The following PRR3 variants were observed in gnomAD, a reference collection of about 807,000 sequenced individuals.
PRR3 encodes proline rich 3.
Under a neutral mutation model 22.4 loss-of-function variants are expected in PRR3, and 16 were observed. That is an observed-to-expected ratio of 0.71 (90% CI 0.48 to 1.09). The LOEUF is 1.09. Ranked by LOEUF, PRR3 falls within the 50% of genes least tolerant of loss-of-function variation. The probability of loss-of-function intolerance (pLI) is 0.00; values close to 1 mark genes in which losing one functional copy is unlikely to be tolerated. For missense variants in PRR3, 224 were observed against 243.4 expected, an observed-to-expected ratio of 0.92 and a Z score of 0.53; for synonymous variants, 87 against 88.6, an observed-to-expected ratio of 0.98 and a Z score of 0.10.
At position 30,561,638 on chromosome 6, in the gene PRR3, T is replaced by C. The variant is rs1234072074; in HGVS notation, c.170-196T>C. On this transcript the variant is annotated intron_variant, in intron 2 of 3. Transcript: ENST00000376560. The surrounding 1 kb of genome is among the most constrained non-coding windows in gnomAD (Gnocchi z 4.0). ...ACAAGGGGAGGATCTTTTGAGGTGC[T>C]AATAAGGCTTTATCTCTTCACCTGG... The C allele has an allele frequency of 1.6e-6, 1 of 609,310 alleles. No homozygotes were observed. Among genetic ancestry groups the C allele is most frequent in the African/African-American group, 1.9e-5 (1 of 54,000 alleles). The allele number at this position is 609,310 out of a possible 1,614,324, so 37.7% of individuals were successfully genotyped here. A position where few individuals can be genotyped will look rare whatever the true frequency, so the allele number is the denominator to read the frequency against.
In PRR3 at chr6:30,559,240, G is replaced by C. The variant is rs552534436; in HGVS notation, c.169+1028G>C. Reference sequence around the variant, plus strand: ...AAAAATACAAAAATTAGCCGGGCATGGTGGTGTGTGCCTGTAATCCCAGCT... The same window carrying C: ...AAAAATACAAAAATTAGCCGGGCATCGTGGTGTGTGCCTGTAATCCCAGCT... On this transcript the variant is annotated intron_variant, in intron 2 of 3. Coordinates refer to ENST00000376560, the MANE Select transcript of PRR3 (RefSeq NM_025263.4). 2.6e-5 allele frequency among the ~76,000 whole-genome samples: 4 copies of C among 152,254 alleles called. No individual in the cohort carries two copies. The South Asian group carries it at 6.2e-4, about 24-fold the overall frequency.
At position 30,557,459 on chromosome 6, in the gene PRR3, T is replaced by A; in HGVS notation, c.106+9T>A. ...GGATGGGAGTCCCATCGGTGAGGGG[T>A]CTGGGAGGGATGTGCACATGCCTGT... On this transcript the variant is annotated intron_variant, in intron 1 of 3. Transcript: ENST00000376560. The A allele has an allele frequency of 6.3e-7, 1 of 1,590,766 alleles. No individual in the cohort carries two copies. The highest frequency in any genetic ancestry group is 8.6e-7 in the Non-Finnish European group (1 of 1,163,588).
At chr6:30,557,283 A>G (rs17195432), upstream of PRR3, 1 of 1,303,898 alleles carries the variant, frequency 7.7e-7, no homozygotes, top group South Asian at 1.2e-5. Flanking sequence ...CGGAAACAGA[A>G]TCCCCGCGTG....
At chr6:30,557,491 C>T in intron 1 of PRR3, 41 bp downstream of exon 1, 2 of 1,456,330 alleles carry the variant, frequency 1.4e-6, no homozygotes, top group Non-Finnish European at 9.5e-7. Context: ...CTGTCAAGCC[C>T]GTCCGGGCAA....
At chr6:30,560,505 T>A (rs1800556497) in intron 2 of PRR3, 1 of 150,346 alleles carries the variant, frequency 6.7e-6, no homozygotes, top group African/African-American at 2.5e-5. Flanking sequence ...CTTTTGGAGG[T>A]CGGGCATGGT....
At position 30,557,362 on chromosome 6, in the gene PRR3, G is replaced by C. The variant is rs1352650881; in HGVS notation, c.18G>C (p.Lys6Asn). Residue 6 changes from lysine to asparagine, a missense_variant, in exon 1 of 4, where the codon AAG becomes AAC. Lys to Asn is a moderately conservative substitution (Grantham distance 94). Transcript: ENST00000376560. The stretch of plus-strand genomic sequence containing the variant: ...CAGACACGATGCCGAAACGAAAGAA[G>C]CAGAATCATCACCAGCCACCGACAC... MPKRK[K>N]QNHHQPPTQQ... 1.2e-6 allele frequency: 2 copies of C among 1,612,592 alleles called. No homozygotes were observed. Among genetic ancestry groups the C allele is most frequent in the Non-Finnish European group, 1.7e-6 (2 of 1,179,888 alleles).
chr6:30,557,119 G>A (rs1451372891), upstream of PRR3: 2 of 702,528 alleles, frequency 2.8e-6, no homozygotes, highest in East Asian at 2.7e-5. Flanking sequence ...TTATAGAAAC[G>A]CAGCAAAGGG....
chr6:30,557,216 C>A (rs1316084631), upstream of PRR3: 1 of 776,534 alleles, frequency 1.3e-6, no homozygotes, highest in Admixed American at 2.0e-5. Context: ...TCTCCGCAAC[C>A]TTCCGGAAGT....
chr6:30,562,631 T>G lies in PRR3; in HGVS notation c.*136T>G, dbSNP rs1800718069. ...GTGACACACCCATCCCATCCACCAC[T>G]TCCCCCGTGTGGGGTCCAGAGTGGT... On this transcript the variant is annotated 3_prime_UTR_variant, in exon 4 of 4. Transcript: ENST00000376560. 7.9e-6 allele frequency: 5 copies of G among 629,712 alleles called. No homozygotes were observed. The highest frequency in any genetic ancestry group is 2.8e-5 in the Admixed American group (1 of 35,396). 39.0% of individuals were successfully genotyped at this position (629,712 alleles called of 1,614,324 possible).
Position 30,558,147 on chromosome 6 carries a change from T to C in PRR3, c.107-3T>C, listed in dbSNP as rs201586304. 3.2e-5 allele frequency: 51 copies of C among 1,612,512 alleles called. No homozygotes were observed. The Admixed American group carries it at 5.7e-4, about 18-fold the overall frequency. Reference sequence around the variant, plus strand: ...ATGACCATATTTTCATGTCTGCTCTTAGGACCACCCAGCCTTCTGGGCCCT... The same window carrying C: ...ATGACCATATTTTCATGTCTGCTCTCAGGACCACCCAGCCTTCTGGGCCCT... On this transcript the variant is annotated splice_region_variant and splice_polypyrimidine_tract_variant and intron_variant, in intron 1 of 3. Transcript: ENST00000376560.
chr6:30,557,216 C>T (rs1316084631), upstream of PRR3: 2 of 776,534 alleles, frequency 2.6e-6, no homozygotes, highest in Middle Eastern at 2.2e-4. Flanking sequence ...TCTCCGCAAC[C>T]TTCCGGAAGT....
Position 30,561,640 on chromosome 6 carries a change from A to G in PRR3, c.170-194A>G. ...AAGGGGAGGATCTTTTGAGGTGCTAATAAGGCTTTATCTCTTCACCTGGTG... is the reference window on the plus strand; with the variant it reads ...AAGGGGAGGATCTTTTGAGGTGCTAGTAAGGCTTTATCTCTTCACCTGGTG... On this transcript the variant is annotated intron_variant, in intron 2 of 3. Transcript: ENST00000376560. The surrounding 1 kb of genome is among the most constrained non-coding windows in gnomAD (Gnocchi z 4.0). 3.3e-6 allele frequency: 2 copies of G among 611,632 alleles called. No homozygotes were observed. The highest frequency in any genetic ancestry group is 2.0e-5 in the South Asian group (1 of 49,282). The allele number at this position is 611,632 out of a possible 1,614,324, so 37.9% of individuals were successfully genotyped here.
upstream of PRR3, chr6:30,557,093 AATT>A (rs1005943606): frequency 4.3e-6 from 3 of 702,388 alleles, no homozygotes; most frequent in African/African-American, 5.2e-5. Flanking sequence ...AGAAAAGAGT[AATT>A]TTTTCAAAGC....
At chr6:30,559,634 A>G (rs1800493395) in intron 2 of PRR3, among the ~76,000 whole-genome samples, 1 of 152,188 alleles carries the variant, frequency 6.6e-6, no homozygotes, top group South Asian at 2.1e-4. Context: ...AATGCAAGAT[A>G]AAAATATACC....
At position 30,561,369 on chromosome 6, in the gene PRR3, T is replaced by C. The variant is rs1800617350; in HGVS notation, c.170-465T>C. On this transcript the variant is annotated intron_variant, in intron 2 of 3. Coordinates refer to ENST00000376560, the MANE Select transcript of PRR3 (RefSeq NM_025263.4). The surrounding 1 kb of genome is among the most constrained non-coding windows in gnomAD (Gnocchi z 4.0). Reference sequence around the variant, plus strand: ...ACCCACATGTCCATCATCAGTAGAATGGATAAATAAATTGTTGTGTATGCA... The same window carrying C: ...ACCCACATGTCCATCATCAGTAGAACGGATAAATAAATTGTTGTGTATGCA... 2.2e-6 allele frequency: 1 copy of C among 462,490 alleles called. No homozygotes were observed. The highest frequency in any genetic ancestry group is 2.0e-5 in the African/African-American group (1 of 50,316). 28.6% of individuals were successfully genotyped at this position (462,490 alleles called of 1,614,324 possible).
At chr6:30,558,506 G>C in intron 2 of PRR3, 1 of 424,486 alleles carries the variant, frequency 2.4e-6, no homozygotes, top group Non-Finnish European at 4.3e-6. Flanking sequence ...AGACAATCTT[G>C]AAGTGGGAGG....
intron 2 of PRR3, among the ~76,000 whole-genome samples, chr6:30,559,350 C>T (rs1471316012): frequency 6.6e-6 from 1 of 152,024 alleles, no homozygotes; most frequent in African/African-American, 2.4e-5. Context: ...GCACTCCAGC[C>T]TGGGGGACAG....
At chr6:30,558,382 A>C in intron 2 of PRR3, 170 bp downstream of exon 2, 1 of 597,562 alleles carries the variant, frequency 1.7e-6, no homozygotes, top group Admixed American at 2.9e-5. Flanking sequence ...TAAAAATGTC[A>C]CTTCTTCCCA....
Position 30,561,892 on chromosome 6 carries a change from C to T in PRR3, c.228C>T (p.Leu76=), listed in dbSNP as rs570713147. 6.8e-5 allele frequency: 109 copies of T among 1,607,590 alleles called. No individual in the cohort carries two copies. In the East Asian group the frequency reaches 2.3e-3, roughly 35 times the overall value. Reference sequence around the variant, plus strand: ...CACTGATTCCACCACTGCTGAGTCTCCCACCTCCTCCTTGGGGTAGAGGCC... The same window carrying T: ...CACTGATTCCACCACTGCTGAGTCTTCCACCTCCTCCTTGGGGTAGAGGCC... The part of the protein sequence containing the change: ...RGPLIPPLLS[L]PPPPWGRGPI... Residue 76 remains leucine (L), a synonymous_variant, in exon 3 of 4, where the codon CTC becomes CTT. Transcript: ENST00000376560. This position sits in a 1 kb window ranked among gnomAD's most constrained non-coding sequence, Gnocchi z 4.0.
Sources: gnomAD v4.1 joint callset for allele counts (sites outside exome capture counted in the v4.1 genomes callset) on GRCh38, gnomAD v4.1.1 for gene constraint, Gnocchi (gnomAD v3.1) non-coding constraint, MANE v1.5 for transcripts, NCBI Gene and HGNC (gene_info 2026-07-23, HGNC 2026-07-21) for gene names.